The following TMEM131 variants were observed in gnomAD, a reference collection of about 807,000 sequenced individuals.
TMEM131 encodes 2610524E03Rik.
In TMEM131, 66 loss-of-function variants were observed where a neutral mutation model predicts 211.6. The ratio of observed to expected loss-of-function variants is 0.31; its 90% CI spans 0.26 to 0.38. The LOEUF is 0.38. TMEM131 is among the 10% of genes least tolerant of loss of function. The pLI, the probability that TMEM131 is intolerant of heterozygous loss-of-function variation, is 1.00. For synonymous variants in TMEM131, 844 were observed against 841.3 expected (o/e 1.00, Z -0.06); for missense variants, 2,036 against 2,299.3 (o/e 0.89, Z 2.34).
chr2:97,831,199 GC>G (rs1172724667), intron 11 of TMEM131, among the ~76,000 whole-genome samples: 1 of 152,184 alleles, frequency 6.6e-6, no homozygotes. Context: ...CCACAAAGTA[GC>G]TACAGTGACC....
chr2:97,930,475 A>C (rs1677173735), intron 1 of TMEM131, among the ~76,000 whole-genome samples: 1 of 151,998 alleles, frequency 6.6e-6, no homozygotes, highest in African/African-American at 2.4e-5. Context: ...TATGAATGTT[A>C]GTTAAAAAAA....
chr2:97,853,656 A>C (rs530949376), intron 5 of TMEM131, among the ~76,000 whole-genome samples: 70 of 152,132 alleles, frequency 4.6e-4, no homozygotes, highest in African/African-American at 1.6e-3. Flanking sequence ...AGAAGGTTAA[A>C]ATGTCAACAA....
chr2:97,995,437 G>T, intron 1 of TMEM131, 39 bp downstream of exon 1: 2 of 1,327,296 alleles, frequency 1.5e-6, no homozygotes, highest in South Asian at 4.1e-5. Context: ...AGAGCGGGGT[G>T]ACAGCCCCGC....
chr2:97,838,705 A>T (rs1259196381), intron 7 of TMEM131, among the ~76,000 whole-genome samples: 1 of 151,934 alleles, frequency 6.6e-6, no homozygotes, highest in Non-Finnish European at 1.5e-5. Flanking sequence ...GGCCTCCCAA[A>T]GTGCTGGGAT....
chr2:97,907,289 T>C (rs1320580367), intron 3 of TMEM131: 2 of 151,890 alleles, frequency 1.3e-5, no homozygotes, highest in Non-Finnish European at 2.9e-5. Context: ...TTAGAGAGAA[T>C]GACAGAACAA....
chr2:97,761,952 C>G, intron 36 of TMEM131, 83 bp downstream of exon 36: 3 of 1,412,022 alleles, frequency 2.1e-6, no homozygotes, highest in Non-Finnish European at 2.8e-6. Context: ...CCTGTGGCCG[C>G]TAAGTGTTTC....
chr2:97,808,470 T>C (rs1681409350), intron 19 of TMEM131, among the ~76,000 whole-genome samples: 1 of 152,146 alleles, frequency 6.6e-6, no homozygotes, highest in Non-Finnish European at 1.5e-5. Flanking sequence ...TTGTCTTTGT[T>C]CTCCAGGCTC....
chr2:97,821,014 C>T (rs1280168298), intron 11 of TMEM131, among the ~76,000 whole-genome samples: 1 of 152,180 alleles, frequency 6.6e-6, no homozygotes, highest in Non-Finnish European at 1.5e-5. Flanking sequence ...ACATGAAGCT[C>T]TGTAGTTTGC....
At chr2:97,830,830 A>G (rs776648077) in intron 11 of TMEM131, among the ~76,000 whole-genome samples, 2 of 152,262 alleles carry the variant, frequency 1.3e-5, no homozygotes, top group African/African-American at 2.4e-5. Context: ...TGCTTGCTTT[A>G]GTAATCCTAT....
intron 33 of TMEM131, among the ~76,000 whole-genome samples, chr2:97,769,397 A>G (rs1408117541): frequency 6.6e-6 from 1 of 152,028 alleles, no homozygotes; most frequent in African/African-American, 2.4e-5. Context: ...GTTACACCTG[A>G]CTCAAGCCTG....
intron 1 of TMEM131, among the ~76,000 whole-genome samples, chr2:97,977,447 A>G (rs577471491): frequency 7.9e-5 from 12 of 152,348 alleles, no homozygotes; most frequent in Admixed American, 5.9e-4. Context: ...TACAATTAAA[A>G]TTACAATGAA....
intron 3 of TMEM131, among the ~76,000 whole-genome samples, chr2:97,900,754 T>A (rs143205551): frequency 3.3e-5 from 5 of 152,194 alleles, no homozygotes; most frequent in Non-Finnish European, 5.9e-5. Flanking sequence ...CTGGATCACA[T>A]AGCAGTTCTA....
At chr2:97,974,397 G>GGGAGGA (rs141602131) in intron 1 of TMEM131, among the ~76,000 whole-genome samples, 5 of 151,690 alleles carry the variant, frequency 3.3e-5, no homozygotes, top group Non-Finnish European at 5.9e-5. Flanking sequence ...AAATGGGGTT[G>GGGAGGA]GGAGGAGGAG....
chr2:97,909,255 G>A (rs1011029489), intron 2 of TMEM131, among the ~76,000 whole-genome samples: 2 of 152,116 alleles, frequency 1.3e-5, no homozygotes, highest in African/African-American at 2.4e-5. Context: ...TGTGGCAGTG[G>A]GATGGATGGT....
At chr2:97,768,521 A>T (rs549884247) in intron 33 of TMEM131, among the ~76,000 whole-genome samples, 5 of 152,386 alleles carry the variant, frequency 3.3e-5, no homozygotes, top group African/African-American at 1.2e-4. Flanking sequence ...TCCTAAATTA[A>T]GCCAGATGAT....
rs200430986 is a variant in TMEM131 at position 97,976,960 on chromosome 2, C to A, written c.187+18516G>T. ...ACTAGAAGAACTGGTTATTTATATGCAAAAAAAAAAAAAAAAAAGAACTTG... is the reference window on the plus strand; with the variant it reads ...ACTAGAAGAACTGGTTATTTATATGAAAAAAAAAAAAAAAAAAAGAACTTG... On this transcript the variant is annotated intron_variant, in intron 1 of 40. Transcript: ENST00000186436. Among the ~76,000 whole-genome samples the A allele has an allele frequency of 4.4e-3, 490 of 111,864 alleles. 1 individual carries two copies. Among genetic ancestry groups the A allele is most frequent in the East Asian group, 0.014 (33 of 2,292 alleles). The allele number at this position is 111,864 out of a possible 152,430, so 73.4% of individuals were successfully genotyped here. A position where few individuals can be genotyped will look rare whatever the true frequency, so the allele number is the denominator to read the frequency against.
At chr2:97,802,889 G>A in intron 22 of TMEM131, 99 bp from the exon 23 acceptor site, 1 of 1,032,030 alleles carries the variant, frequency 9.7e-7, no homozygotes, top group South Asian at 1.8e-5. Context: ...GAAATTTTTT[G>A]CTGGCCCTGA....
intron 25 of TMEM131, among the ~76,000 whole-genome samples, chr2:97,799,756 G>A (rs1680936291): frequency 6.6e-6 from 1 of 152,170 alleles, no homozygotes; most frequent in Non-Finnish European, 1.5e-5. Context: ...TTTTCCAAAA[G>A]ACTGATGTAC....
chr2:97,847,576 CAATATT>C (rs2105126385), intron 5 of TMEM131, among the ~76,000 whole-genome samples: 1 of 152,194 alleles, frequency 6.6e-6, no homozygotes, highest in African/African-American at 2.4e-5. Context: ...TTAGAAGACT[CAATATT>C]AGATGTTAGT....
Sources: gnomAD v4.1 joint callset for allele counts (sites outside exome capture counted in the v4.1 genomes callset) on GRCh38, gnomAD v4.1.1 for gene constraint, MANE v1.5 for transcripts, NCBI Gene and HGNC (gene_info 2026-07-23, HGNC 2026-07-21) for gene names.